The following DYNC2LI1 variants were observed in gnomAD, a reference collection of about 807,000 sequenced individuals.
DYNC2LI1 encodes the protein cytoplasmic dynein 2 light intermediate chain 1.
A neutral mutation model predicts 51.9 loss-of-function variants in DYNC2LI1; 45 were observed. The ratio of observed to expected loss-of-function variants is 0.87; its 90% CI spans 0.68 to 1.11. The LOEUF (loss-of-function observed/expected upper bound fraction) is 1.11, where lower values mean the gene tolerates loss of function less well. Ranked by LOEUF, DYNC2LI1 falls within the 50% of genes most tolerant of loss-of-function variation. The pLI, the probability that DYNC2LI1 is intolerant of heterozygous loss-of-function variation, is 0.00. For synonymous variants in DYNC2LI1, 130 were observed against 137.8 expected (o/e 0.94, Z 0.40); for missense variants, 490 against 417.4 (o/e 1.17, Z -1.51).
the DYNC2LI1 span, chr2:43,827,869 A>T: frequency 6.7e-7 from 1 of 1,499,436 alleles, no homozygotes; most frequent in Non-Finnish European, 9.0e-7. Context: ...CTGTGATTTC[A>T]GTTGTACACA....
At chr2:43,807,743 C>CAAAAAAAAAAAAAAAA (rs536977133) in intron 12 of DYNC2LI1, among the ~76,000 whole-genome samples, 1 of 41,616 alleles carries the variant, frequency 2.4e-5, no homozygotes, top group Non-Finnish European at 4.7e-5. Flanking sequence ...TTTGTTAAAG[C>CAAAAAAAAAAAAAAAA]AAAAAAAAAA....
intron 2 of DYNC2LI1, among the ~76,000 whole-genome samples, chr2:43,777,288 T>C (rs1214259537): frequency 6.6e-6 from 1 of 152,206 alleles, no homozygotes; most frequent in Non-Finnish European, 1.5e-5. Flanking sequence ...GTCAATGATA[T>C]TTGTTACAGG....
At chr2:43,826,658 C>T in the DYNC2LI1 span, 3 of 1,369,932 alleles carry the variant, frequency 2.2e-6, no homozygotes, top group African/African-American at 2.8e-5. Flanking sequence ...AACATGTAAA[C>T]TGGCTTTCAG....
chr2:43,824,085 C>T, the DYNC2LI1 span: 2 of 1,614,084 alleles, frequency 1.2e-6, no homozygotes, highest in Non-Finnish European at 1.7e-6. Flanking sequence ...TAATCACTGC[C>T]AGCTTATTTC....
chr2:43,819,561 A>G, the DYNC2LI1 span, among the ~76,000 whole-genome samples: 1 of 151,928 alleles, frequency 6.6e-6, no homozygotes, highest in Non-Finnish European at 1.5e-5. Context: ...CAACAGTACC[A>G]GGTCAGAAAT....
At chr2:43,819,174 T>C in the DYNC2LI1 span, among the ~76,000 whole-genome samples, 1 of 152,182 alleles carries the variant, frequency 6.6e-6, no homozygotes, top group Non-Finnish European at 1.5e-5. Context: ...TCATGTTTCC[T>C]TGGGGACCCA....
At chr2:43,775,078 A>G (rs1395870636) in intron 1 of DYNC2LI1, among the ~76,000 whole-genome samples, 1 of 152,218 alleles carries the variant, frequency 6.6e-6, no homozygotes, top group Non-Finnish European at 1.5e-5. Flanking sequence ...TTGTAATTGT[A>G]TAGGCCATGC....
At chr2:43,824,349 T>C in the DYNC2LI1 span, 4 of 1,614,220 alleles carry the variant, frequency 2.5e-6, no homozygotes, top group Admixed American at 5.0e-5. Context: ...GCTGATTTCT[T>C]GTAGGCAGAT....
chr2:43,813,709 G>GTTTTTTTTTT (rs1214033245), downstream of DYNC2LI1, among the ~76,000 whole-genome samples: 8 of 34,064 alleles, frequency 2.3e-4, no homozygotes, highest in Admixed American at 4.4e-4. Flanking sequence ...TTTTTTTTTC[G>GTTTTTTTTTT]TTTTTTTTTT....
intron 10 of DYNC2LI1, among the ~76,000 whole-genome samples, chr2:43,803,198 T>A (rs962304481): frequency 2.0e-5 from 3 of 152,112 alleles, no homozygotes; most frequent in Non-Finnish European, 4.4e-5. Context: ...AAAACTTAAC[T>A]CTCACACAAA....
chr2:43,780,049 T>A (rs900522719), intron 2 of DYNC2LI1, among the ~76,000 whole-genome samples: 4 of 152,026 alleles, frequency 2.6e-5, no homozygotes, highest in African/African-American at 9.7e-5. Context: ...AGGAGAAAAG[T>A]GAAGGTAGGA....
chr2:43,820,155 A>G, the DYNC2LI1 span: 3 of 1,559,582 alleles, frequency 1.9e-6, no homozygotes, highest in Non-Finnish European at 2.6e-6. Flanking sequence ...TTTAAGAAAA[A>G]TACTGCACTT....
At chr2:43,807,906 T>C (rs1375567432) in intron 12 of DYNC2LI1, among the ~76,000 whole-genome samples, 2 of 152,162 alleles carry the variant, frequency 1.3e-5, no homozygotes, top group African/African-American at 4.8e-5. Flanking sequence ...GAAGATCTAG[T>C]GGACTTGGTG....
chr2:43,789,769 C>T, intron 5 of DYNC2LI1, 48 bp downstream of exon 5: 1 of 1,527,230 alleles, frequency 6.5e-7, no homozygotes, highest in Non-Finnish European at 8.9e-7. Flanking sequence ...AGGAGTGTCC[C>T]TAGGAGGAAT....
At position 43,793,088 on chromosome 2, in the gene DYNC2LI1, C is replaced by G. The variant is rs1053757894; in HGVS notation, c.321-1369C>G. The G allele has an allele frequency of 5.6e-5, 12 of 216,098 alleles. No homozygotes were observed. In the East Asian group the frequency reaches 1.5e-3, roughly 27 times the overall value. The allele number at this position is 216,098 out of a possible 1,614,324, so 13.4% of individuals were successfully genotyped here. Reference sequence around the variant, plus strand: ...TGAGGAATCACTATACTATTTTACACAGTGGCTGCACCATTTTACATTCCC... The same window carrying G: ...TGAGGAATCACTATACTATTTTACAGAGTGGCTGCACCATTTTACATTCCC... On this transcript the variant is annotated intron_variant, in intron 5 of 12. Transcript: ENST00000260605.
chr2:43,782,217 A>G (rs904424681), intron 2 of DYNC2LI1, among the ~76,000 whole-genome samples: 29 of 152,244 alleles, frequency 1.9e-4, no homozygotes, highest in African/African-American at 7.0e-4. Flanking sequence ...GGTTGTTTTT[A>G]GTTTTTCAGT....
At chr2:43,803,764 A>G (rs1290469689) in intron 10 of DYNC2LI1, among the ~76,000 whole-genome samples, 1 of 152,228 alleles carries the variant, frequency 6.6e-6, no homozygotes, top group Non-Finnish European at 1.5e-5. Context: ...TTTCGCACCA[A>G]AGTGGTAAGG....
chr2:43,783,684 C>A lies in DYNC2LI1; in HGVS notation c.161+130C>A, dbSNP rs1673393999. The stretch of plus-strand genomic sequence containing the variant: ...ACAAAATATTTAATTCTTAGCAAAT[C>A]CTTAGTATAACCTTTAAGAGCGCCT... On this transcript the variant is annotated intron_variant, in intron 3 of 12. Transcript: ENST00000260605. 7.0e-6 allele frequency: 4 copies of A among 572,962 alleles called. No individual in the cohort carries two copies. The South Asian group carries it at 1.5e-4, about 22-fold the overall frequency. The allele number at this position is 572,962 out of a possible 1,614,324, so 35.5% of individuals were successfully genotyped here.
the DYNC2LI1 span, among the ~76,000 whole-genome samples, chr2:43,825,462 A>T: frequency 4.6e-4 from 70 of 152,294 alleles, no homozygotes; most frequent in Non-Finnish European, 8.5e-4. Flanking sequence ...CTGGGCGGAG[A>T]AAGTGAGTTT....
Sources: allele counts gnomAD v4.1 joint callset (sites outside exome capture counted in the v4.1 genomes callset), GRCh38; gene constraint gnomAD v4.1.1; transcripts MANE v1.5; gene names NCBI Gene and HGNC (gene_info 2026-07-23, HGNC 2026-07-21).